LCMT1: variants seen among roughly 807,000 people sequenced by gnomAD.
LCMT1 encodes the protein leucine carboxyl methyltransferase 1, also known as [Phosphatase 2A protein]-leucine-carboxy methyltransferase 1.
A neutral mutation model predicts 47.7 loss-of-function variants in LCMT1; 32 were observed. The observed-to-expected ratio is 0.67, with a 90% CI of 0.51 to 0.90. The LOEUF (loss-of-function observed/expected upper bound fraction) is 0.90, where lower values mean the gene tolerates loss of function less well. Ranked by LOEUF, LCMT1 falls within the 40% of genes least tolerant of loss-of-function variation. The pLI is 0.00. For synonymous variants in LCMT1, 152 were observed against 149.7 expected (o/e 1.02, Z -0.11); for missense variants, 375 against 415.2 (o/e 0.90, Z 0.84).
Position 25,136,829 on chromosome 16 carries a change from G to A in LCMT1, c.328-3342G>A, listed in dbSNP as rs558082492. On this transcript the variant is annotated intron_variant, in intron 3 of 10. Coordinates refer to ENST00000399069, the MANE Select transcript of LCMT1 (RefSeq NM_016309.3). The stretch of plus-strand genomic sequence containing the variant: ...GCAGGGATTACAGATGTGAGCCACC[G>A]CGCCCCACAGGATGTCTTTCTTAAG... Among the ~76,000 whole-genome samples the A allele has an allele frequency of 8.5e-5, 13 of 152,118 alleles. No homozygotes were observed. In the East Asian group the frequency reaches 1.7e-3, roughly 20 times the overall value.
chr16:25,157,180 A>G (rs1297176984), intron 5 of LCMT1, among the ~76,000 whole-genome samples: 2 of 151,776 alleles, frequency 1.3e-5, no homozygotes, highest in South Asian at 2.1e-4. Context: ...GTATGTGTTT[A>G]ACTACTGTGT....
intron 3 of LCMT1, among the ~76,000 whole-genome samples, chr16:25,133,256 T>C (rs771709662): frequency 1.3e-5 from 2 of 152,158 alleles, no homozygotes; most frequent in East Asian, 1.9e-4. Flanking sequence ...TGATAATATG[T>C]TGCAAAGCCA....
chr16:25,145,148 C>T (rs891596639), intron 4 of LCMT1: 14 of 152,168 alleles, frequency 9.2e-5, no homozygotes, highest in African/African-American at 3.4e-4. Context: ...TTTTCCAGTC[C>T]ACAACTAGTG....
chr16:25,164,750 T>C, intron 7 of LCMT1, 32 bp downstream of exon 7: 1 of 1,613,702 alleles, frequency 6.2e-7, no homozygotes, highest in South Asian at 1.1e-5. Flanking sequence ...CTGGATTCCA[T>C]ACAGGATCGC....
intron 2 of LCMT1, among the ~76,000 whole-genome samples, chr16:25,130,503 T>G (rs564497455): frequency 1.4e-4 from 22 of 152,026 alleles, no homozygotes; most frequent in African/African-American, 4.6e-4. Flanking sequence ...AATAAAAAAT[T>G]AGCCAGGTGT....
chr16:25,147,282 C>T (rs1038653596), intron 4 of LCMT1: 1 of 152,354 alleles, frequency 6.6e-6, no homozygotes, highest in African/African-American at 2.4e-5. Flanking sequence ...GAAAACAGCC[C>T]TGGGCCAGTG....
Position 25,132,487 on chromosome 16 carries a change from T to C in LCMT1, c.291T>C (p.Leu97=). 1.2e-6 allele frequency: 2 copies of C among 1,613,952 alleles called. No homozygotes were observed. Among genetic ancestry groups the C allele is most frequent in the Non-Finnish European group, 1.7e-6 (2 of 1,179,850 alleles). Residue 97 remains leucine (L), a synonymous_variant, in exon 3 of 11, where the codon CTT becomes CTC. Coordinates refer to ENST00000399069, the MANE Select transcript of LCMT1 (RefSeq NM_016309.3). The stretch of plus-strand genomic sequence containing the variant: ...AATGTCATTGTCAAATTGTCAACCT[T>C]GGGGCAGGCATGGATACCACCTTCT... ...KTECHCQIVN[L]GAGMDTTFWR...
chr16:25,113,875 A>T (rs1302533951), intron 1 of LCMT1, among the ~76,000 whole-genome samples: 1 of 152,212 alleles, frequency 6.6e-6, no homozygotes, highest in South Asian at 2.1e-4. Context: ...AACTCAAGTG[A>T]TCCGCTCGCC....
chr16:25,151,445 A>G (rs772735228), intron 4 of LCMT1, 109 bp from the exon 5 acceptor site: 11 of 896,164 alleles, frequency 1.2e-5, no homozygotes, highest in Non-Finnish European at 1.8e-5. Context: ...TAGCAAATAT[A>G]TATTTGCCAT....
chr16:25,139,603 C>T (rs1204281723), intron 3 of LCMT1, among the ~76,000 whole-genome samples: 1 of 152,156 alleles, frequency 6.6e-6, no homozygotes, highest in Non-Finnish European at 1.5e-5. Context: ...CTATTTCACC[C>T]AAAAAATAAT....
intron 2 of LCMT1, chr16:25,131,991 C>G (rs1277550029): frequency 4.2e-6 from 1 of 237,630 alleles, no homozygotes; most frequent in African/African-American, 2.3e-5. Flanking sequence ...TAACATTCAT[C>G]TGCTCAGTTT....
chr16:25,115,722 G>A (rs1050371495), intron 1 of LCMT1, among the ~76,000 whole-genome samples: 1 of 152,164 alleles, frequency 6.6e-6, no homozygotes, highest in African/African-American at 2.4e-5. Flanking sequence ...TTGTTGCCCA[G>A]GCTGGAGTGC....
chr16:25,117,722 G>A (rs1295483814), intron 1 of LCMT1, among the ~76,000 whole-genome samples: 2 of 152,032 alleles, frequency 1.3e-5, no homozygotes, highest in Non-Finnish European at 2.9e-5. Context: ...GCGTGGTGGT[G>A]TGCGCCTGTA....
At chr16:25,155,074 A>G (rs1203865335) in intron 5 of LCMT1, among the ~76,000 whole-genome samples, 2 of 152,208 alleles carry the variant, frequency 1.3e-5, no homozygotes, top group African/African-American at 4.8e-5. Context: ...AATCACCATT[A>G]TTTCTTTATC....
intron 1 of LCMT1, among the ~76,000 whole-genome samples, chr16:25,119,422 C>T (rs1959899082): frequency 6.6e-6 from 1 of 152,078 alleles, no homozygotes; most frequent in Admixed American, 6.6e-5. Context: ...TACCTTTGCG[C>T]CACATGAGCT....
At position 25,132,368 on chromosome 16, in the gene LCMT1, G is replaced by C; in HGVS notation, c.206-34G>C. 1.9e-6 allele frequency: 3 copies of C among 1,611,552 alleles called. No individual in the cohort carries two copies. The East Asian group carries it at 6.7e-5, about 36-fold the overall frequency. On this transcript the variant is annotated intron_variant, in intron 2 of 10. Coordinates refer to ENST00000399069, the MANE Select transcript of LCMT1 (RefSeq NM_016309.3). Reference sequence around the variant, plus strand: ...GGGATAATTTCTGTCATCACTGGGTGATAGCTTGTTTCTGTGCCTCCCCTC... The same window carrying C: ...GGGATAATTTCTGTCATCACTGGGTCATAGCTTGTTTCTGTGCCTCCCCTC...
chr16:25,144,218 T>C (rs1817197363), intron 4 of LCMT1: 1 of 152,268 alleles, frequency 6.6e-6, no homozygotes, highest in Non-Finnish European at 1.5e-5. Flanking sequence ...TATGGCTGCA[T>C]GGGCACACAG....
intron 3 of LCMT1, among the ~76,000 whole-genome samples, chr16:25,138,647 A>G (rs1249317024): frequency 6.6e-6 from 1 of 152,222 alleles, no homozygotes; most frequent in Non-Finnish European, 1.5e-5. Context: ...GTCTGTAACA[A>G]TAAAGGCACA....
intron 4 of LCMT1, chr16:25,146,130 T>C (rs1423359496): frequency 6.6e-6 from 1 of 152,298 alleles, no homozygotes; most frequent in East Asian, 1.9e-4. Flanking sequence ...GTAAATTTTC[T>C]TACCTTAGGA....
Sources: gnomAD v4.1 joint callset for allele counts (sites outside exome capture counted in the v4.1 genomes callset) on GRCh38, gnomAD v4.1.1 for gene constraint, MANE v1.5 for transcripts, NCBI Gene and HGNC (gene_info 2026-07-23, HGNC 2026-07-21) for gene names.